LPP: variants seen among roughly 807,000 people sequenced by gnomAD.
LPP encodes LIM domain containing preferred translocation partner in lipoma.
A neutral mutation model predicts 60.4 loss-of-function variants in LPP; 38 were observed. The ratio of observed to expected loss-of-function variants is 0.63; its 90% CI spans 0.49 to 0.83. LPP has a LOEUF of 0.83. LPP is among the 40% of genes least tolerant of loss of function. LPP has a pLI of 0.00. For synonymous variants in LPP, 328 were observed against 290.8 expected, an observed-to-expected ratio of 1.13 and a Z score of -1.30; for missense variants, 902 against 783.6, an observed-to-expected ratio of 1.15 and a Z score of -1.80.
At chr3:188,858,926 C>T (rs7630497) in intron 9 of LPP, among the ~76,000 whole-genome samples, 85,075 of 151,008 alleles carry the variant, frequency 0.56, 24,298 homozygotes, top group East Asian at 0.84. Flanking sequence ...CCTGTCTCTG[C>T]TAAAAATAAA....
chr3:188,371,517 C>G (rs1475634793), intron 3 of LPP, among the ~76,000 whole-genome samples: 1 of 147,676 alleles, frequency 6.8e-6, no homozygotes, highest in South Asian at 2.1e-4. Context: ...CACAGGGTTT[C>G]AGGTCTAGGG....
chr3:188,736,103 A>G (rs1013802476), intron 8 of LPP, among the ~76,000 whole-genome samples: 1 of 152,196 alleles, frequency 6.6e-6, no homozygotes, highest in African/African-American at 2.4e-5. Flanking sequence ...TAGACTGCAA[A>G]ACTTAATGTT....
rs10527365 is a variant in LPP, at chr3:188,607,370, GATATATATATATATATATAT to G, written c.430-1763_430-1744del. Among the ~76,000 whole-genome samples, 512 of 102,726 alleles carry G rather than the reference GATATATATATATATATATAT, an allele frequency of 5.0e-3. 10 individuals carry two copies. Among genetic ancestry groups the G allele is most frequent in the African/African-American group, 0.017 (473 of 27,988 alleles). 67.4% of individuals were successfully genotyped at this position (102,726 alleles called of 152,430 possible). On this transcript the variant is annotated intron_variant, in intron 6 of 11. Transcript: ENST00000617246. ...TATAACTGTATGTTTGAAAATAGAA[GATATATATATATATATATAT>G]ATATATATATATATATATATATATA...
chr3:188,667,990 A>G (rs1208414480), intron 7 of LPP, among the ~76,000 whole-genome samples: 1 of 152,048 alleles, frequency 6.6e-6, no homozygotes, highest in Non-Finnish European at 1.5e-5. Context: ...CACTTAAACA[A>G]TATTTAGGAT....
intron 5 of LPP, among the ~76,000 whole-genome samples, chr3:188,501,602 A>T (rs1811887448): frequency 6.6e-6 from 1 of 151,748 alleles, no homozygotes; most frequent in South Asian, 2.1e-4. Context: ...ACAAAAAATT[A>T]GCCGGGCGTG....
At chr3:188,663,226 G>A (rs1490432841) in intron 7 of LPP, among the ~76,000 whole-genome samples, 1 of 152,172 alleles carries the variant, frequency 6.6e-6, no homozygotes, top group African/African-American at 2.4e-5. Context: ...GTCTTTCCAT[G>A]TGAGACATCT....
chr3:188,593,160 G>GTGTT (rs961877218), intron 6 of LPP, among the ~76,000 whole-genome samples: 1 of 151,002 alleles, frequency 6.6e-6, no homozygotes, highest in African/African-American at 2.4e-5. Flanking sequence ...CCTGGTGTGT[G>GTGTT]TGTGTGTGTG....
intron 6 of LPP, among the ~76,000 whole-genome samples, chr3:188,547,396 G>A (rs1439589147): frequency 6.6e-6 from 1 of 152,080 alleles, no homozygotes. Context: ...AAACTGTCAG[G>A]GCTAGAAAGT....
chr3:188,172,557 T>A (rs757844795), intron 1 of LPP, among the ~76,000 whole-genome samples: 2 of 151,880 alleles, frequency 1.3e-5, no homozygotes, highest in Non-Finnish European at 2.9e-5. Context: ...AATGATTGTG[T>A]TTTTTTTGTT....
At chr3:188,224,175 T>G (rs1716858487) in intron 1 of LPP, among the ~76,000 whole-genome samples, 1 of 152,154 alleles carries the variant, frequency 6.6e-6, no homozygotes, top group African/African-American at 2.4e-5. Context: ...GTGGATCAAG[T>G]GGCTCCTGAA....
chr3:188,345,585 C>T (rs1057474930), intron 3 of LPP, among the ~76,000 whole-genome samples: 3 of 152,160 alleles, frequency 2.0e-5, no homozygotes, highest in Non-Finnish European at 2.9e-5. Context: ...AGTTCAAGGC[C>T]TGCGATTCCC....
intron 2 of LPP, among the ~76,000 whole-genome samples, chr3:188,237,047 C>A (rs551911691): frequency 6.6e-6 from 1 of 152,126 alleles, no homozygotes; most frequent in Non-Finnish European, 1.5e-5. Flanking sequence ...CTGCTTTATC[C>A]ATTAAGTTTA....
At chr3:188,299,776 A>T (rs1014545688) in intron 2 of LPP, among the ~76,000 whole-genome samples, 2 of 152,188 alleles carry the variant, frequency 1.3e-5, no homozygotes, top group African/African-American at 2.4e-5. Context: ...TTCTTGAGAA[A>T]AATGGATGGA....
intron 6 of LPP, among the ~76,000 whole-genome samples, chr3:188,600,528 A>G (rs578061309): frequency 5.9e-5 from 9 of 151,854 alleles, no homozygotes; most frequent in Admixed American, 1.3e-4. Flanking sequence ...GATACATATT[A>G]TTATTTTTAT....
Position 188,673,993 on chromosome 3 carries a change from T to C in LPP, c.1114-34274T>C, listed in dbSNP as rs543286545. The stretch of plus-strand genomic sequence containing the variant: ...TCATTTGCATCTTACTCCTTTGTAG[T>C]GTAGGGAAGAACATTCCAAACCCAT... On this transcript the variant is annotated intron_variant, in intron 7 of 11. Transcript: ENST00000617246. Among the ~76,000 whole-genome samples, 235 of 152,126 alleles carry C rather than the reference T, an allele frequency of 1.5e-3. 1 individual carries two copies. The highest frequency in any genetic ancestry group is 5.4e-3 in the African/African-American group (225 of 41,518).
intron 9 of LPP, among the ~76,000 whole-genome samples, chr3:188,862,700 A>G (rs1765462309): frequency 7.1e-6 from 1 of 141,740 alleles, no homozygotes; most frequent in Non-Finnish European, 1.5e-5. Flanking sequence ...CAATGCTGGC[A>G]ACCCTACTAG....
intron 5 of LPP, among the ~76,000 whole-genome samples, chr3:188,513,722 A>C (rs1310090769): frequency 6.6e-6 from 1 of 152,102 alleles, no homozygotes; most frequent in Non-Finnish European, 1.5e-5. Flanking sequence ...TTTTTGTTGC[A>C]TATTTAGTTT....
chr3:188,524,545 T>TAA, intron 5 of LPP, 120 bp from the exon 6 acceptor site: 35 of 865,560 alleles, frequency 4.0e-5, no homozygotes, highest in South Asian at 5.9e-5. Flanking sequence ...AAAGCTTAAT[T>TAA]AAAAAAAAAA....
chr3:188,424,254 C>T (rs1296368885), intron 4 of LPP, among the ~76,000 whole-genome samples: 1 of 152,106 alleles, frequency 6.6e-6, no homozygotes, highest in African/African-American at 2.4e-5. Flanking sequence ...TGTCAGAGAT[C>T]AGATGGTTGT....
Sources: allele counts gnomAD v4.1 joint callset (sites outside exome capture counted in the v4.1 genomes callset), GRCh38; gene constraint gnomAD v4.1.1; transcripts MANE v1.5; gene names NCBI Gene and HGNC (gene_info 2026-07-23, HGNC 2026-07-21).